Variants in TDRD7 observed in about 807,000 individuals in gnomAD.
TDRD7 encodes tudor domain-containing protein 7.
Under a neutral mutation model 109.8 loss-of-function variants are expected in TDRD7, and 47 were observed. That is an observed-to-expected ratio of 0.43 (90% CI 0.34 to 0.55). The LOEUF (loss-of-function observed/expected upper bound fraction) is 0.55, where lower values mean the gene tolerates loss of function less well. TDRD7 is among the 20% of genes least tolerant of loss of function. The pLI is 0.03. For synonymous variants in TDRD7, 424 were observed against 457.3 expected (o/e 0.93, Z 0.93); for missense variants, 1,164 against 1,319.2 (o/e 0.88, Z 1.82).
chr9:97,429,431 G>A (rs1190925249), intron 2 of TDRD7, among the ~76,000 whole-genome samples: 2 of 152,100 alleles, frequency 1.3e-5, no homozygotes, highest in African/African-American at 4.8e-5. Flanking sequence ...TCCTGGGTAT[G>A]TTTCTACATG....
intron 10 of TDRD7, 131 bp downstream of exon 10, chr9:97,472,626 A>G (rs1440010078): frequency 6.1e-6 from 5 of 823,116 alleles, no homozygotes; most frequent in Admixed American, 6.0e-5. Flanking sequence ...AAAAGGAGGG[A>G]GTGGGGCTAG....
intron 1 of TDRD7, among the ~76,000 whole-genome samples, chr9:97,417,330 A>T (rs1006321190): frequency 1.3e-5 from 2 of 152,136 alleles, no homozygotes; most frequent in Non-Finnish European, 2.9e-5. Context: ...GAAGCATTAG[A>T]GGGTTTTGAG....
At chr9:97,487,430 T>G (rs556975750) in intron 16 of TDRD7, 98 bp downstream of exon 16, 888 of 1,554,636 alleles carry the variant, frequency 5.7e-4, no homozygotes, top group Non-Finnish European at 7.3e-4. Context: ...CTCTTGAGTT[T>G]AGGTATGTTG....
At chr9:97,459,132 C>T (rs1828666774) in intron 6 of TDRD7, among the ~76,000 whole-genome samples, 1 of 152,152 alleles carries the variant, frequency 6.6e-6, no homozygotes, top group Admixed American at 6.5e-5. Context: ...GTTCAAGAAA[C>T]TGCTTTTGTA....
Position 97,487,247 on chromosome 9 carries a change from C to G in TDRD7, c.2991C>G (p.His997Gln), listed in dbSNP as rs777982037. 1.2e-6 allele frequency: 2 copies of G among 1,613,816 alleles called. No homozygotes were observed. Among genetic ancestry groups the G allele is most frequent in the Non-Finnish European group, 1.7e-6 (2 of 1,179,926 alleles). Residue 997 changes from histidine to glutamine, a missense_variant, in exon 16 of 17, where the codon CAC (histidine) becomes CAG (glutamine). Physicochemically the swap from His to Gln is conservative, Grantham distance 24 (BLOSUM62 0). Around this residue, in one of 5 missense-constraint regions of TDRD7, gnomAD observed 162 missense variants for 222.5 expected, o/e 0.73. Coordinates refer to ENST00000355295, the MANE Select transcript of TDRD7 (RefSeq NM_014290.3). ...VSVYELDYGK[H>Q]ELVNIRKVQP... is the part of the protein sequence containing the mutation. Reference sequence around the variant, plus strand: ...TGTATGAGCTGGATTATGGCAAACACGAATTAGTCAACATAAGAAAAGTAC... The same window carrying G: ...TGTATGAGCTGGATTATGGCAAACAGGAATTAGTCAACATAAGAAAAGTAC...
chr9:97,460,867 T>C (rs927378228), intron 7 of TDRD7, 103 bp downstream of exon 7: 30 of 1,129,482 alleles, frequency 2.7e-5, no homozygotes, highest in Middle Eastern at 2.3e-4. Flanking sequence ...TATGGCCGGG[T>C]GCGGTGGCTC....
At chr9:97,430,272 T>C (rs1045951193) in intron 2 of TDRD7, among the ~76,000 whole-genome samples, 7 of 152,226 alleles carry the variant, frequency 4.6e-5, no homozygotes, top group Non-Finnish European at 8.8e-5. Context: ...CCGGAGACCC[T>C]GCTTGCCCTG....
At chr9:97,444,020 A>G (rs1025859323) in intron 6 of TDRD7, among the ~76,000 whole-genome samples, 9 of 152,156 alleles carry the variant, frequency 5.9e-5, no homozygotes, top group African/African-American at 2.2e-4. Context: ...ACATGCCTTC[A>G]CAATTCTAGA....
At chr9:97,469,983 A>C (rs1383390578) in intron 8 of TDRD7, among the ~76,000 whole-genome samples, 6 of 152,086 alleles carry the variant, frequency 3.9e-5, no homozygotes, top group Non-Finnish European at 5.9e-5. Context: ...TTTAGTTTAG[A>C]ATTCCATGTT....
chr9:97,447,307 C>T (rs144974796), intron 6 of TDRD7, among the ~76,000 whole-genome samples: 1 of 152,192 alleles, frequency 6.6e-6, no homozygotes, highest in South Asian at 2.1e-4. Context: ...AGACCATCCT[C>T]TCAGTGCCAC....
At chr9:97,431,427 T>C (rs1828102463) in intron 3 of TDRD7, among the ~76,000 whole-genome samples, 1 of 152,224 alleles carries the variant, frequency 6.6e-6, no homozygotes, top group African/African-American at 2.4e-5. Context: ...TGACAAATTA[T>C]GTCTTCTGGT....
intron 12 of TDRD7, among the ~76,000 whole-genome samples, chr9:97,477,504 CAGAA>C (rs1297135258): frequency 5.3e-5 from 8 of 151,944 alleles, no homozygotes; most frequent in African/African-American, 1.9e-4. Context: ...GCATTTTTGG[CAGAA>C]AGAAGCCTTC....
At position 97,441,816 on chromosome 9, in the gene TDRD7, A is replaced by G; in HGVS notation, c.796A>G (p.Lys266Glu). ...TCCACATTTTTACAAAGAGTTATATAAAGAAGACCTTAATCAAGGAATTTT... is the reference window on the plus strand; with the variant it reads ...TCCACATTTTTACAAAGAGTTATATGAAGAAGACCTTAATCAAGGAATTTT... ...KLPHFYKELY[K>E]EDLNQGILQQ... is the part of the protein sequence containing the mutation. Residue 266 changes from lysine (K) to glutamate (E), a missense_variant, in exon 6 of 17, where the codon AAA becomes GAA. By Grantham distance (56) the Lys-to-Glu change is moderately conservative. Coordinates refer to ENST00000355295, the MANE Select transcript of TDRD7 (RefSeq NM_014290.3). The G allele has an allele frequency of 6.2e-7, 1 of 1,613,814 alleles. No homozygotes were observed. The highest frequency in any genetic ancestry group is 8.5e-7 in the Non-Finnish European group (1 of 1,179,818).
intron 1 of TDRD7, among the ~76,000 whole-genome samples, chr9:97,426,126 C>G (rs1223009159): frequency 6.6e-6 from 1 of 152,186 alleles, no homozygotes; most frequent in African/African-American, 2.4e-5. Flanking sequence ...CTGGAAGTTA[C>G]TCTGGATGAG....
At chr9:97,488,202 T>C (rs959135401) in intron 16 of TDRD7, among the ~76,000 whole-genome samples, 2 of 152,214 alleles carry the variant, frequency 1.3e-5, no homozygotes, top group Non-Finnish European at 2.9e-5. Flanking sequence ...AGAGGCCTTG[T>C]AGCGTTAGCA....
rs560315335 is a variant in TDRD7, at chr9:97,473,063, T to C, written c.1945-429T>C. Among the ~76,000 whole-genome samples, 10 of 152,298 alleles carry C rather than the reference T, an allele frequency of 6.6e-5. No individual in the cohort carries two copies. The East Asian group carries it at 1.9e-3, about 29-fold the overall frequency. The stretch of plus-strand genomic sequence containing the variant: ...TTATGGTTTTTTAAAATTACTCAAA[T>C]TCATATGACCTCTGGACACAGGTTA... On this transcript the variant is annotated intron_variant, in intron 10 of 16. Transcript: ENST00000355295.
At chr9:97,449,767 C>T (rs1828460638) in intron 6 of TDRD7, among the ~76,000 whole-genome samples, 1 of 152,188 alleles carries the variant, frequency 6.6e-6, no homozygotes, top group African/African-American at 2.4e-5. Context: ...CTAATCCTGC[C>T]TTGGACTTTC....
intron 1 of TDRD7, among the ~76,000 whole-genome samples, chr9:97,424,708 A>C (rs1827957535): frequency 6.6e-6 from 1 of 152,126 alleles, no homozygotes; most frequent in Admixed American, 6.5e-5. Flanking sequence ...GTGGTATATA[A>C]GTAAGTCTTG....
chr9:97,453,657 T>A (rs1417685316), intron 6 of TDRD7, among the ~76,000 whole-genome samples: 1 of 151,890 alleles, frequency 6.6e-6, no homozygotes, highest in Non-Finnish European at 1.5e-5. Context: ...CCATCTTACA[T>A]GCAAAGACAC....
Sources: allele counts gnomAD v4.1 joint callset (sites outside exome capture counted in the v4.1 genomes callset), GRCh38; gene constraint gnomAD v4.1.1; regional missense constraint gnomAD v4.1.1; transcripts MANE v1.5; gene names NCBI Gene and HGNC (gene_info 2026-07-23, HGNC 2026-07-21).